SCRG1: variants seen among roughly 807,000 people sequenced by gnomAD.
SCRG1 encodes scrapie-responsive protein 1.
Under a neutral mutation model 7.7 loss-of-function variants are expected in SCRG1, and 3 were observed. The ratio of observed to expected loss-of-function variants is 0.39; its 90% CI spans 0.18 to 1.01. SCRG1 has a LOEUF of 1.01. Ranked by LOEUF, SCRG1 falls within the 50% of genes least tolerant of loss-of-function variation. The pLI is 0.36. For missense variants in SCRG1, 110 were observed against 117.2 expected (o/e 0.94, Z 0.28); for synonymous variants, 46 against 41.2 (o/e 1.12, Z -0.44).
chr4:173,385,831 C>CT lies in SCRG1; in HGVS notation c.*2509dup, dbSNP rs1303009322. The CT allele has an allele frequency of 6.6e-6, 1 of 152,114 alleles. No individual in the cohort carries two copies. Among genetic ancestry groups the CT allele is most frequent in the African/African-American group, 2.4e-5 (1 of 41,426 alleles). The allele number at this position is 152,114 out of a possible 1,614,324, so 9.4% of individuals were successfully genotyped here. A position where few individuals can be genotyped will look rare whatever the true frequency, so the allele number is the denominator to read the frequency against. On this transcript the variant is annotated 3_prime_UTR_variant, in exon 3 of 3. Transcript: ENST00000296506. ...AAATGGAGACACTGGATCTTTAATG[C>CT]TTTTTCCCCCTCAAGGAGAGTTCCT...
chr4:173,412,838 C>G, the SCRG1 span, among the ~76,000 whole-genome samples: 1 of 152,096 alleles, frequency 6.6e-6, no homozygotes, highest in Non-Finnish European at 1.5e-5. Flanking sequence ...TGAATGGGAC[C>G]AAGGCATGAA....
At chr4:173,398,185 C>G (rs1440807621) in intron 1 of SCRG1, 1 of 152,114 alleles carries the variant, frequency 6.6e-6, no homozygotes, top group Non-Finnish European at 1.5e-5. Flanking sequence ...TGTTAAAGAA[C>G]AGAAGCAGTA....
intron 2 of SCRG1, chr4:173,389,902 G>C (rs995666042): frequency 2.4e-6 from 1 of 409,016 alleles, no homozygotes; most frequent in Non-Finnish European, 5.1e-6. Context: ...TCTGTTGAAA[G>C]TAATTTGAAA....
chr4:173,456,870 G>A, the SCRG1 span, among the ~76,000 whole-genome samples: 3 of 152,124 alleles, frequency 2.0e-5, no homozygotes, highest in Non-Finnish European at 4.4e-5. Flanking sequence ...CTTCATCAGG[G>A]TAGAGGAGAT....
chr4:173,476,380 A>ATATATAT, the SCRG1 span, among the ~76,000 whole-genome samples: 2 of 138,592 alleles, frequency 1.4e-5, no homozygotes, highest in African/African-American at 2.5e-5. Flanking sequence ...ATATATATAT[A>ATATATAT]ATGAATTGAA....
chr4:173,415,467 C>CA, the SCRG1 span, among the ~76,000 whole-genome samples: 19 of 152,154 alleles, frequency 1.2e-4, no homozygotes, highest in Admixed American at 7.2e-4. Flanking sequence ...GCATTTCTTG[C>CA]AAAAAGTGGC....
the SCRG1 span, among the ~76,000 whole-genome samples, chr4:173,476,201 G>C: frequency 6.6e-6 from 1 of 151,392 alleles, no homozygotes; most frequent in Non-Finnish European, 1.5e-5. Flanking sequence ...GAAGAAGGCT[G>C]GGGGAAGAAG....
At chr4:173,493,980 T>G in the SCRG1 span, among the ~76,000 whole-genome samples, 3 of 152,204 alleles carry the variant, frequency 2.0e-5, no homozygotes, top group Non-Finnish European at 2.9e-5. Context: ...ACAGGAAATA[T>G]TTAAATAACA....
At chr4:173,490,462 C>G in the SCRG1 span, among the ~76,000 whole-genome samples, 2 of 152,268 alleles carry the variant, frequency 1.3e-5, no homozygotes, top group South Asian at 4.1e-4. Flanking sequence ...CAGCTCAGCA[C>G]TGGAAGCCAC....
chr4:173,487,908 C>T, the SCRG1 span, among the ~76,000 whole-genome samples: 1 of 151,800 alleles, frequency 6.6e-6, no homozygotes. Context: ...TCGAGATCAT[C>T]CTGGGCAACA....
the SCRG1 span, among the ~76,000 whole-genome samples, chr4:173,472,043 C>T: frequency 6.6e-6 from 1 of 152,182 alleles, no homozygotes; most frequent in East Asian, 1.9e-4. Flanking sequence ...ACCATACTGA[C>T]TTCTTAACAC....
the SCRG1 span, among the ~76,000 whole-genome samples, chr4:173,438,368 C>T: frequency 6.6e-6 from 1 of 152,072 alleles, no homozygotes; most frequent in African/African-American, 2.4e-5. Context: ...AGCTATCTGC[C>T]CACCTCAGCC....
At chr4:173,465,886 TCTGTG>T in the SCRG1 span, among the ~76,000 whole-genome samples, 1 of 152,152 alleles carries the variant, frequency 6.6e-6, no homozygotes, top group Non-Finnish European at 1.5e-5. Flanking sequence ...TATTTGTCTT[TCTGTG>T]CTTCGACCTT....
chr4:173,403,258 C>G (rs1739808522), upstream of SCRG1: 1 of 152,038 alleles, frequency 6.6e-6, no homozygotes, highest in Non-Finnish European at 1.5e-5. Context: ...ATGCCACCTC[C>G]CCTGCAGGGA....
At chr4:173,426,221 A>T in the SCRG1 span, among the ~76,000 whole-genome samples, 2 of 152,206 alleles carry the variant, frequency 1.3e-5, no homozygotes, top group Non-Finnish European at 2.9e-5. Flanking sequence ...TACTGTCTGT[A>T]CTACATCTGT....
the SCRG1 span, among the ~76,000 whole-genome samples, chr4:173,481,356 G>A: frequency 6.6e-6 from 1 of 152,160 alleles, no homozygotes; most frequent in South Asian, 2.1e-4. Context: ...TTCCACGTGA[G>A]TTAATTGAAG....
At chr4:173,487,759 T>C in the SCRG1 span, among the ~76,000 whole-genome samples, 1 of 152,084 alleles carries the variant, frequency 6.6e-6, no homozygotes, top group East Asian at 1.9e-4. Flanking sequence ...TATCATCAAG[T>C]ATGCAAATTC....
chr4:173,430,633 G>A, the SCRG1 span, among the ~76,000 whole-genome samples: 2 of 151,788 alleles, frequency 1.3e-5, no homozygotes, highest in African/African-American at 4.8e-5. Flanking sequence ...ACAGCAACAT[G>A]CTGTCTCCAC....
the SCRG1 span, among the ~76,000 whole-genome samples, chr4:173,518,042 A>G: frequency 6.6e-6 from 1 of 152,248 alleles, no homozygotes; most frequent in Admixed American, 6.5e-5. Flanking sequence ...GGGCTGTGGG[A>G]GGAGGCTGCC....
Sources: allele counts gnomAD v4.1 joint callset (sites outside exome capture counted in the v4.1 genomes callset), GRCh38; gene constraint gnomAD v4.1.1; transcripts MANE v1.5; gene names NCBI Gene and HGNC (gene_info 2026-07-23, HGNC 2026-07-21).